The following NIPAL2 variants were observed in gnomAD, a reference collection of about 807,000 sequenced individuals.
NIPAL2 encodes the protein NIPA-like protein 2.
A neutral mutation model predicts 48.9 loss-of-function variants in NIPAL2; 43 were observed. That is an observed-to-expected ratio of 0.88 (90% CI 0.69 to 1.13). The LOEUF is 1.13. Ranked by LOEUF, NIPAL2 falls within the 50% of genes most tolerant of loss-of-function variation. NIPAL2 has a pLI of 0.00. For synonymous variants in NIPAL2, 167 were observed against 174.6 expected, an observed-to-expected ratio of 0.96 and a Z score of 0.34; for missense variants, 446 against 461.4, an observed-to-expected ratio of 0.97 and a Z score of 0.31.
At chr8:98,285,841 A>T (rs1042506454) in intron 1 of NIPAL2, among the ~76,000 whole-genome samples, 2 of 152,188 alleles carry the variant, frequency 1.3e-5, no homozygotes, top group Non-Finnish European at 2.9e-5. Flanking sequence ...TTGCAAGCTA[A>T]AGAAATCAGG....
intron 1 of NIPAL2, among the ~76,000 whole-genome samples, chr8:98,255,316 A>G (rs994208604): frequency 1.3e-5 from 2 of 152,230 alleles, no homozygotes; most frequent in Non-Finnish European, 2.9e-5. Context: ...TAAATTAGCA[A>G]TGATACAAAG....
At chr8:98,194,368 C>T (rs1055538906) in intron 10 of NIPAL2, among the ~76,000 whole-genome samples, 9 of 152,032 alleles carry the variant, frequency 5.9e-5, no homozygotes, top group Non-Finnish European at 1.0e-4. Context: ...AGCTGCCTAC[C>T]CTTTGTCCTT....
chr8:98,285,005 T>C (rs1019739347), intron 1 of NIPAL2, among the ~76,000 whole-genome samples: 3 of 152,136 alleles, frequency 2.0e-5, no homozygotes, highest in Non-Finnish European at 4.4e-5. Flanking sequence ...AGGAGAGATA[T>C]ATTTAGAACT....
At chr8:98,202,290 T>C (rs958559268) in intron 8 of NIPAL2, among the ~76,000 whole-genome samples, 1 of 152,156 alleles carries the variant, frequency 6.6e-6, no homozygotes, top group East Asian at 1.9e-4. Context: ...GAGGGGCATA[T>C]AGGGAAGAGT....
chr8:98,254,188 T>C, intron 1 of NIPAL2, 101 bp from the exon 2 acceptor site: 1 of 881,040 alleles, frequency 1.1e-6, no homozygotes, highest in South Asian at 1.7e-5. Flanking sequence ...TAATTCAGCT[T>C]TAGCCTAGCA....
intron 5 of NIPAL2, among the ~76,000 whole-genome samples, chr8:98,214,477 T>G (rs1255685731): frequency 6.6e-6 from 1 of 152,212 alleles, no homozygotes; most frequent in African/African-American, 2.4e-5. Flanking sequence ...GCTATTATTT[T>G]TGACGAGATG....
chr8:98,253,022 T>G (rs1344790749), intron 2 of NIPAL2, among the ~76,000 whole-genome samples: 2 of 152,068 alleles, frequency 1.3e-5, no homozygotes, highest in African/African-American at 4.8e-5. Flanking sequence ...GTCCAACGTA[T>G]CCATGCTGCA....
At chr8:98,247,341 GAC>G (rs1813358245) in intron 3 of NIPAL2, among the ~76,000 whole-genome samples, 1 of 152,212 alleles carries the variant, frequency 6.6e-6, no homozygotes, top group African/African-American at 2.4e-5. Flanking sequence ...CAAGCAACGA[GAC>G]ACACAGTCAG....
At chr8:98,202,164 C>A (rs1226848749) in intron 8 of NIPAL2, among the ~76,000 whole-genome samples, 1 of 152,162 alleles carries the variant, frequency 6.6e-6, no homozygotes, top group Admixed American at 6.6e-5. Context: ...AAAAGAACTG[C>A]AATAGTAGAA....
At chr8:98,278,217 C>T (rs557184456) in intron 1 of NIPAL2, among the ~76,000 whole-genome samples, 5 of 151,964 alleles carry the variant, frequency 3.3e-5, no homozygotes, top group Non-Finnish European at 7.4e-5. Flanking sequence ...TTTTCTTTAT[C>T]ATGGTTTTTT....
chr8:98,192,945 G>A lies in NIPAL2; in HGVS notation c.*33C>T, dbSNP rs565620019. 5.0e-6 allele frequency: 7 copies of A among 1,386,414 alleles called. No homozygotes were observed. Among genetic ancestry groups the A allele is most frequent in the South Asian group, 1.2e-5 (1 of 86,318 alleles). The allele number at this position is 1,386,414 out of a possible 1,614,324, so 85.9% of individuals were successfully genotyped here. ...TGCAATTTTTTAAAAAGGTGGTATC[G>A]AATAACAGGCCAACAGCCATCCTTC... On this transcript the variant is annotated 3_prime_UTR_variant, in exon 11 of 11. Transcript: ENST00000430223.
In NIPAL2 at chr8:98,269,538, G is replaced by A. The variant is rs796913587; in HGVS notation, c.136-15451C>T. On this transcript the variant is annotated intron_variant, in intron 1 of 10. Coordinates refer to ENST00000430223, the MANE Select transcript of NIPAL2 (RefSeq NM_001321635.2). ...TTTCTGAGCAGTAGGTCTCAATGGC[G>A]GGTTTAAAATATTAAGTAAACCATG... 6.6e-5 allele frequency among the ~76,000 whole-genome samples: 10 copies of A among 152,238 alleles called. 1 individual carries two copies. Among genetic ancestry groups the A allele is most frequent in the South Asian group, 2.1e-4 (1 of 4,818 alleles).
chr8:98,244,054 GC>G (rs1173913281), intron 3 of NIPAL2, among the ~76,000 whole-genome samples: 1 of 151,968 alleles, frequency 6.6e-6, no homozygotes, highest in Non-Finnish European at 1.5e-5. Flanking sequence ...CTAACCCAAA[GC>G]TAAGACAATC....
Position 98,193,206 on chromosome 8 carries a change from C to T in NIPAL2, c.1040-116G>A, listed in dbSNP as rs1010463894. The T allele has an allele frequency of 2.9e-6, 3 of 1,045,414 alleles. No individual in the cohort carries two copies. In the African/African-American group the frequency reaches 4.7e-5, roughly 17 times the overall value. 64.8% of individuals were successfully genotyped at this position (1,045,414 alleles called of 1,614,324 possible). On this transcript the variant is annotated intron_variant, in intron 10 of 10. Transcript: ENST00000430223. ...ACCTCTCTTTTATACTATGTGGGCACTCTCTAAAGAGAAGAGATGAATATC... is the reference window on the plus strand; with the variant it reads ...ACCTCTCTTTTATACTATGTGGGCATTCTCTAAAGAGAAGAGATGAATATC...
At chr8:98,242,488 A>ATTTTTTGATTTTT (rs774556900) in intron 3 of NIPAL2, among the ~76,000 whole-genome samples, 1 of 117,768 alleles carries the variant, frequency 8.5e-6, no homozygotes, top group Non-Finnish European at 1.7e-5. Context: ...CACCTGACAG[A>ATTTTTTGATTTTT]TTTTTTTTTT....
chr8:98,250,299 T>G (rs1326344394), intron 3 of NIPAL2, among the ~76,000 whole-genome samples: 2 of 152,180 alleles, frequency 1.3e-5, no homozygotes, highest in African/African-American at 4.8e-5. Context: ...GTGTGGATTT[T>G]CTGCTTCATC....
Position 98,294,045 on chromosome 8 carries a change from G to C in NIPAL2, c.93C>G (p.Ala31=), listed in dbSNP as rs1001619336. ...SLNFTYGAPG[A]GNGSLSGDWY... is the part of the protein sequence containing the mutation. Reference sequence around the variant, plus strand: ...AGTCGCCCGAGAGGGAGCCGTTGCCGGCGCCTGGTGCCCCGTACGTGAAAT... The same window carrying C: ...AGTCGCCCGAGAGGGAGCCGTTGCCCGCGCCTGGTGCCCCGTACGTGAAAT... Residue 31 remains alanine, a synonymous_variant, in exon 1 of 11, where the codon GCC becomes GCG. Coordinates refer to ENST00000430223, the MANE Select transcript of NIPAL2 (RefSeq NM_001321635.2). 3 of 1,498,520 alleles carry C rather than the reference G, an allele frequency of 2.0e-6. No individual in the cohort carries two copies. In the African/African-American group the frequency reaches 4.4e-5, roughly 22 times the overall value. The allele number at this position is 1,498,520 out of a possible 1,614,324, so 92.8% of individuals were successfully genotyped here.
At chr8:98,288,403 GT>G (rs1301912557) in intron 1 of NIPAL2, among the ~76,000 whole-genome samples, 1 of 151,408 alleles carries the variant, frequency 6.6e-6, no homozygotes. Context: ...GTATTCCATG[GT>G]GTATATATGC....
At chr8:98,287,193 TTGG>T (rs1816226223) in intron 1 of NIPAL2, among the ~76,000 whole-genome samples, 1 of 152,116 alleles carries the variant, frequency 6.6e-6, no homozygotes, top group African/African-American at 2.4e-5. Context: ...GTCCTACTGG[TTGG>T]TTAAACTACA....
Sources: allele counts gnomAD v4.1 joint callset (sites outside exome capture counted in the v4.1 genomes callset), GRCh38; gene constraint gnomAD v4.1.1; transcripts MANE v1.5; gene names NCBI Gene and HGNC (gene_info 2026-07-23, HGNC 2026-07-21).